Variants in VSX2 observed in about 807,000 individuals in gnomAD.
The protein encoded by VSX2 is ceh-10 homeo domain containing homolog.
Under a neutral mutation model 32.1 loss-of-function variants are expected in VSX2, and 28 were observed. That is an observed-to-expected ratio of 0.87 (90% CI 0.65 to 1.20). VSX2 has a LOEUF of 1.20. Ranked by LOEUF, VSX2 falls within the 50% of genes most tolerant of loss-of-function variation. The pLI is 0.00. For missense variants in VSX2, 506 were observed against 488.7 expected (o/e 1.04, Z -0.33); for synonymous variants, 243 against 214.1 (o/e 1.14, Z -1.18).
At chr14:74,254,284 G>T (rs1411275744) in intron 3 of VSX2, among the ~76,000 whole-genome samples, 1 of 152,154 alleles carries the variant, frequency 6.6e-6, no homozygotes, top group Non-Finnish European at 1.5e-5. Flanking sequence ...GCTGCCAGGT[G>T]CCTGTAATCC....
chr14:74,244,956 G>A (rs1292221191), intron 2 of VSX2, among the ~76,000 whole-genome samples: 7 of 86,316 alleles, frequency 8.1e-5, no homozygotes, highest in Admixed American at 1.2e-4. Flanking sequence ...GTGTGTGTGT[G>A]TGTGTGTGTG....
In VSX2 at chr14:74,243,673, T is replaced by C. The variant is rs566076755; in HGVS notation, c.456-1492T>C. ...ATCTTCAAAATTCTCAAGAATTAAC[T>C]TCGTGTGTGCATAAGCATTTCACAT... On this transcript the variant is annotated intron_variant, in intron 2 of 4. Coordinates refer to ENST00000261980, the MANE Select transcript of VSX2 (RefSeq NM_182894.3). Among the ~76,000 whole-genome samples, 13 of 152,170 alleles carry C rather than the reference T, an allele frequency of 8.5e-5. No individual in the cohort carries two copies. In the East Asian group the frequency reaches 2.3e-3, roughly 27 times the overall value.
At chr14:74,258,831 G>A (rs1158341273) in intron 3 of VSX2, among the ~76,000 whole-genome samples, 1 of 152,142 alleles carries the variant, frequency 6.6e-6, no homozygotes, top group African/African-American at 2.4e-5. Context: ...ATTCGCTAGT[G>A]CTTCCTCCGC....
intron 4 of VSX2, among the ~76,000 whole-genome samples, 166 bp from the exon 5 acceptor site, chr14:74,260,428 C>T (rs2139646407): frequency 6.6e-6 from 1 of 152,324 alleles, no homozygotes; most frequent in African/African-American, 2.4e-5. Context: ...ACCCATCTCC[C>T]CATTCCCTGA....
chr14:74,253,533 C>A (rs1236386958), intron 3 of VSX2, among the ~76,000 whole-genome samples: 1 of 152,256 alleles, frequency 6.6e-6, no homozygotes, highest in Admixed American at 6.5e-5. Flanking sequence ...TTTCAGTTAT[C>A]ACTATGTGGC....
In VSX2 at chr14:74,259,886, G is replaced by C. The variant is rs944822407; in HGVS notation, c.760+104G>C. ...AGGCAGGGGCACTTGGGCCACAGCAGCCTAGCAGGAGAGAAATTCTTCAAA... is the reference window on the plus strand; with the variant it reads ...AGGCAGGGGCACTTGGGCCACAGCACCCTAGCAGGAGAGAAATTCTTCAAA... On this transcript the variant is annotated intron_variant, in intron 4 of 4. Coordinates refer to ENST00000261980, the MANE Select transcript of VSX2 (RefSeq NM_182894.3). The C allele has an allele frequency of 2.4e-6, 3 of 1,238,832 alleles. No homozygotes were observed. The African/African-American group carries it at 4.5e-5, about 19-fold the overall frequency. 76.7% of individuals were successfully genotyped at this position (1,238,832 alleles called of 1,614,324 possible).
In VSX2 at chr14:74,245,305, C is replaced by A. The variant is rs539178171; in HGVS notation, c.579+17C>A. 1.2e-6 allele frequency: 2 copies of A among 1,612,986 alleles called. No individual in the cohort carries two copies. The highest frequency in any genetic ancestry group is 1.7e-5 in the Admixed American group (1 of 59,946). On this transcript the variant is annotated intron_variant, in intron 3 of 4. Transcript: ENST00000261980. Reference sequence around the variant, plus strand: ...AGGATACAGGTAACAGCCCTGAGCCCCTCTCCCCTCCACTCTCCCCTCTCT... The same window carrying A: ...AGGATACAGGTAACAGCCCTGAGCCACTCTCCCCTCCACTCTCCCCTCTCT...
chr14:74,242,246 T>G (rs778785562), intron 2 of VSX2, among the ~76,000 whole-genome samples: 2 of 152,188 alleles, frequency 1.3e-5, no homozygotes, highest in Non-Finnish European at 2.9e-5. Context: ...TCCGTCCCCA[T>G]CAGGTGGGGC....
intron 3 of VSX2, among the ~76,000 whole-genome samples, chr14:74,255,035 C>G (rs1248408082): frequency 6.6e-6 from 1 of 152,076 alleles, no homozygotes; most frequent in Non-Finnish European, 1.5e-5. Context: ...CCACCTCGGC[C>G]TCCCAAAGTG....
chr14:74,239,503 G>A lies in VSX2; in HGVS notation c.-59G>A. 1 of 1,548,688 alleles carries A rather than the reference G, an allele frequency of 6.5e-7. No individual in the cohort carries two copies. The highest frequency in any genetic ancestry group is 8.7e-7 in the Non-Finnish European group (1 of 1,146,568). ...ACCAACTTCGCGAAGCGGGAAGCCC[G>A]GCGGGGGGGTGGGGGGAGCTAAAGA... On this transcript the variant is annotated 5_prime_UTR_variant, in exon 1 of 5. Coordinates refer to ENST00000261980, the MANE Select transcript of VSX2 (RefSeq NM_182894.3).
Position 74,239,618 on chromosome 14 carries a change from G to T in VSX2, c.57G>T (p.Lys19Asn). The change falls in exon 1 of 5, where the codon AAG (lysine) becomes AAT (asparagine). Residue 19 changes from lysine to asparagine, a missense_variant. Transcript: ENST00000261980. Reference protein sequence around the residue: ...LSKPKSETVAKSTSGGAPARC... With the variant: ...LSKPKSETVANSTSGGAPARC... Reference sequence around the variant, plus strand: ...AGCCCAAATCCGAGACAGTGGCCAAGAGTACCTCGGGGGGCGCCCCGGCCA... The same window carrying T: ...AGCCCAAATCCGAGACAGTGGCCAATAGTACCTCGGGGGGCGCCCCGGCCA... 6 of 1,551,352 alleles carry T rather than the reference G, an allele frequency of 3.9e-6. No individual in the cohort carries two copies. Among genetic ancestry groups the T allele is most frequent in the Non-Finnish European group, 5.2e-6 (6 of 1,146,998 alleles).
intron 2 of VSX2, among the ~76,000 whole-genome samples, chr14:74,244,327 C>T (rs1481446369): frequency 2.0e-5 from 3 of 152,194 alleles, no homozygotes; most frequent in Non-Finnish European, 2.9e-5. Flanking sequence ...AGGTGAGTGG[C>T]TGAGCTTGCA....
At chr14:74,260,511 C>T (rs2079297661) in intron 4 of VSX2, 83 bp from the exon 5 acceptor site, 7 of 1,351,180 alleles carry the variant, frequency 5.2e-6, no homozygotes, top group East Asian at 2.5e-5. Context: ...TTAATTCTGG[C>T]CTCTCTCTAT....
At chr14:74,248,114 C>T (rs1226551867) in intron 3 of VSX2, among the ~76,000 whole-genome samples, 2 of 152,016 alleles carry the variant, frequency 1.3e-5, no homozygotes, top group South Asian at 2.1e-4. Context: ...CCATCATTTC[C>T]CCTCCACGTG....
At chr14:74,240,643 T>G (rs1299441052) in intron 1 of VSX2, among the ~76,000 whole-genome samples, 4 of 152,190 alleles carry the variant, frequency 2.6e-5, no homozygotes, top group Non-Finnish European at 5.9e-5. Flanking sequence ...TTCGTTGCGT[T>G]TTACTTTGTT....
chr14:74,248,897 A>G (rs1452351612), intron 3 of VSX2, among the ~76,000 whole-genome samples: 4 of 152,130 alleles, frequency 2.6e-5, no homozygotes, highest in Non-Finnish European at 4.4e-5. Flanking sequence ...CCTCCTGAGT[A>G]TTCCCCCACC....
In VSX2 at chr14:74,261,064, C is replaced by A; in HGVS notation, c.*145C>A. The A allele has an allele frequency of 2.1e-6, 2 of 938,386 alleles. No homozygotes were observed. The highest frequency in any genetic ancestry group is 1.6e-5 in the South Asian group (1 of 62,870). The allele number at this position is 938,386 out of a possible 1,614,324, so 58.1% of individuals were successfully genotyped here. ...ACAGGTCCTCCATCACCCCTGGTGG[C>A]TGCAGGCACCGCTGGGTTCTGACTC... On this transcript the variant is annotated 3_prime_UTR_variant, in exon 5 of 5. Coordinates refer to ENST00000261980, the MANE Select transcript of VSX2 (RefSeq NM_182894.3).
chr14:74,245,083 A>G, intron 2 of VSX2, 82 bp from the exon 3 acceptor site: 2 of 1,597,450 alleles, frequency 1.3e-6, no homozygotes, highest in Non-Finnish European at 1.7e-6. Flanking sequence ...CCCAGGAGAC[A>G]CAGAGGAAGG....
Position 74,244,973 on chromosome 14 carries a change from TGTGTGTGTGA to T in VSX2, c.456-190_456-181del, listed in dbSNP as rs1239808165. Reference sequence around the variant, plus strand: ...GTGTGTGTGTGTGTGTGTGTGTGTGTGTGTGTGTGAGAGAGAGAGAGAGAGAGAGAGAGAC... The same window carrying T: ...GTGTGTGTGTGTGTGTGTGTGTGTGTGAGAGAGAGAGAGAGAGAGAGAGAC... On this transcript the variant is annotated intron_variant, in intron 2 of 4. Transcript: ENST00000261980. Among the ~76,000 whole-genome samples, 1,914 of 67,512 alleles carry T rather than the reference TGTGTGTGTGA, an allele frequency of 0.028. 147 individuals carry two copies. Among genetic ancestry groups the T allele is most frequent in the African/African-American group, 0.11 (1,794 of 16,850 alleles). 44.3% of individuals were successfully genotyped at this position (67,512 alleles called of 152,430 possible). A position where few individuals can be genotyped will look rare whatever the true frequency, so the allele number is the denominator to read the frequency against.
Sources: allele counts gnomAD v4.1 joint callset (sites outside exome capture counted in the v4.1 genomes callset), GRCh38; gene constraint gnomAD v4.1.1; transcripts MANE v1.5; gene names NCBI Gene and HGNC (gene_info 2026-07-23, HGNC 2026-07-21).